The following MRPL48 variants were observed in gnomAD, a reference collection of about 807,000 sequenced individuals.
MRPL48 encodes large ribosomal subunit protein mL48.
MRPL48 carries 16 observed loss-of-function variants against 32.9 expected under a neutral mutation model. The observed-to-expected ratio is 0.49, with a 90% confidence interval of 0.33 to 0.74. The LOEUF is 0.74. Among genes scored for constraint, MRPL48 ranks in the 30% least tolerant of loss-of-function variants. MRPL48 has a pLI of 0.02. For missense variants in MRPL48, 206 were observed against 245.3 expected, an observed-to-expected ratio of 0.84 and a Z score of 1.07; for synonymous variants, 94 against 89.2, an observed-to-expected ratio of 1.05 and a Z score of -0.31.
At chr11:73,815,736 C>G (rs1321364651) in intron 3 of MRPL48, among the ~76,000 whole-genome samples, 1 of 151,982 alleles carries the variant, frequency 6.6e-6, no homozygotes, top group East Asian at 1.9e-4. Flanking sequence ...CTCGGCCTCC[C>G]AAAGTGCTGG....
chr11:73,800,804 C>G (rs1026043877), intron 1 of MRPL48, among the ~76,000 whole-genome samples: 1 of 144,662 alleles, frequency 6.9e-6, no homozygotes, highest in Non-Finnish European at 1.5e-5. Flanking sequence ...ACTCTTTTTT[C>G]TTTTTCTTTT....
At position 73,859,999 on chromosome 11, in the gene MRPL48, G is replaced by C; in HGVS notation, c.464G>C (p.Arg155Pro). Reference protein sequence around the residue: ...LLDSVLTTHERVVQISGLSAT... With the variant: ...LLDSVLTTHEPVVQISGLSAT... ...GACTCAGTGCTTACCACCCATGAGC[G>C]AGTGGTTCAGGTAGGCACTCCAGGA... The change falls in exon 6 of 8, where the codon CGA becomes CCA. Residue 155 changes from arginine (R) to proline (P), a missense_variant. Physicochemically the swap from Arg to Pro is moderately radical, Grantham distance 103 (BLOSUM62 -2). Transcript: ENST00000310614. 1 of 1,613,354 alleles carries C rather than the reference G, an allele frequency of 6.2e-7. No individual in the cohort carries two copies. The highest frequency in any genetic ancestry group is 8.5e-7 in the Non-Finnish European group (1 of 1,179,660).
chr11:73,849,322 A>C (rs1590997764), intron 5 of MRPL48, among the ~76,000 whole-genome samples: 2 of 148,780 alleles, frequency 1.3e-5, no homozygotes, highest in African/African-American at 5.0e-5. Context: ...TTTTTAGCAG[A>C]CATGGGGTTT....
chr11:73,840,396 AG>A (rs1267396884), intron 4 of MRPL48, among the ~76,000 whole-genome samples: 2 of 152,180 alleles, frequency 1.3e-5, no homozygotes, highest in African/African-American at 4.8e-5. Flanking sequence ...CAGGAGGTTG[AG>A]GTGTGACGAT....
intron 1 of MRPL48, among the ~76,000 whole-genome samples, chr11:73,800,464 C>G (rs1232957762): frequency 6.6e-6 from 1 of 152,164 alleles, no homozygotes; most frequent in Non-Finnish European, 1.5e-5. Context: ...CTCACATGCT[C>G]TAGATTTTGC....
chr11:73,864,550 C>T lies in MRPL48; in HGVS notation c.*180C>T. 3.3e-6 allele frequency: 2 copies of T among 613,064 alleles called. No individual in the cohort carries two copies. Among genetic ancestry groups the T allele is most frequent in the Non-Finnish European group, 5.8e-6 (2 of 344,582 alleles). The allele number at this position is 613,064 out of a possible 1,614,324, so 38.0% of individuals were successfully genotyped here. ...TGTACTTGCCATTTCTTACCACTTA[C>T]CTATGAGGTAATGCTTGTTATCTTC... is the stretch of plus-strand genomic sequence containing the variant. On this transcript the variant is annotated 3_prime_UTR_variant, in exon 8 of 8. Coordinates refer to ENST00000310614, the MANE Select transcript of MRPL48 (RefSeq NM_016055.6).
At chr11:73,833,988 T>C (rs35852922) in intron 4 of MRPL48, among the ~76,000 whole-genome samples, 8,375 of 151,984 alleles carry the variant, frequency 0.055, 256 homozygotes, top group Middle Eastern at 0.11. Flanking sequence ...TCCTAAGTAA[T>C]TGGGATTATA....
At chr11:73,788,888 T>G (rs1947098989) in intron 1 of MRPL48, among the ~76,000 whole-genome samples, 2 of 152,238 alleles carry the variant, frequency 1.3e-5, no homozygotes, top group Admixed American at 1.3e-4. Flanking sequence ...ATTTAACAGA[T>G]TTCATTTGTG....
chr11:73,818,237 C>T (rs75656197), intron 3 of MRPL48, among the ~76,000 whole-genome samples: 9 of 152,276 alleles, frequency 5.9e-5, no homozygotes, highest in African/African-American at 1.9e-4. Context: ...GGGGACCATT[C>T]CAGCTGCTCT....
At chr11:73,821,346 C>T (rs1178658351) in intron 3 of MRPL48, among the ~76,000 whole-genome samples, 1 of 152,044 alleles carries the variant, frequency 6.6e-6, no homozygotes, top group African/African-American at 2.4e-5. Flanking sequence ...ATGATTCTGT[C>T]CTCCCACTAG....
chr11:73,850,716 G>A (rs1019346353), intron 5 of MRPL48: 19 of 198,376 alleles, frequency 9.6e-5, no homozygotes, highest in East Asian at 1.6e-4. Flanking sequence ...TCGCTCTGTC[G>A]CCCAGGCTGG....
chr11:73,788,596 C>T (rs1319106939), intron 1 of MRPL48, among the ~76,000 whole-genome samples: 1 of 151,024 alleles, frequency 6.6e-6, no homozygotes, highest in African/African-American at 2.4e-5. Flanking sequence ...GCCTCAGCCT[C>T]CTCAGTAGCT....
At chr11:73,853,174 A>G (rs1948430083) in intron 5 of MRPL48, among the ~76,000 whole-genome samples, 1 of 152,186 alleles carries the variant, frequency 6.6e-6, no homozygotes, top group Admixed American at 6.5e-5. Flanking sequence ...AAGATCTAAT[A>G]TTTGATAGCA....
chr11:73,799,040 C>G (rs974280781), intron 1 of MRPL48, among the ~76,000 whole-genome samples: 7 of 150,396 alleles, frequency 4.7e-5, no homozygotes, highest in Non-Finnish European at 1.0e-4. Flanking sequence ...GTGGTGGGCA[C>G]TGAGAGTGGA....
intron 3 of MRPL48, among the ~76,000 whole-genome samples, chr11:73,818,268 G>A: frequency 6.6e-6 from 1 of 152,278 alleles, no homozygotes; most frequent in Non-Finnish European, 1.5e-5. Flanking sequence ...GGGCTTGATT[G>A]TGGTGACCAT....
At position 73,857,137 on chromosome 11, in the gene MRPL48, C is replaced by T. The variant is rs979900910; in HGVS notation, c.372-2770C>T. Reference sequence around the variant, plus strand: ...CAGTGAGCTCCTTGAAAGCATAGACCTTTTTTTTTTTGAGACTGAGCCTTG... The same window carrying T: ...CAGTGAGCTCCTTGAAAGCATAGACTTTTTTTTTTTTGAGACTGAGCCTTG... On this transcript the variant is annotated intron_variant, in intron 5 of 7. Transcript: ENST00000310614. Among the ~76,000 whole-genome samples, 10 of 147,400 alleles carry T rather than the reference C, an allele frequency of 6.8e-5. No homozygotes were observed. In the Admixed American group the frequency reaches 6.8e-4, roughly 10 times the overall value.
rs12262 is a variant in MRPL48 at position 73,864,459 on chromosome 11, A to G, written c.*89A>G. 0.057 allele frequency: 74,797 copies of G among 1,321,940 alleles called. 2,340 individuals carry two copies. The highest frequency in any genetic ancestry group is 0.084 in the Middle Eastern group (466 of 5,520). 81.9% of individuals were successfully genotyped at this position (1,321,940 alleles called of 1,614,324 possible). ...GTAGTTAGAGTTCATCAGGAGACCC[A>G]ACCCTTAGATTTCATAAGTACCCAT... On this transcript the variant is annotated 3_prime_UTR_variant, in exon 8 of 8. Transcript: ENST00000310614.
intron 6 of MRPL48, chr11:73,860,441 T>A (rs1231575020): frequency 6.5e-6 from 1 of 152,708 alleles, no homozygotes; most frequent in African/African-American, 2.4e-5. Context: ...TGTCCTCTGA[T>A]ATCCATTCAT....
chr11:73,801,132 C>T (rs1007867982), intron 1 of MRPL48, among the ~76,000 whole-genome samples: 5 of 152,128 alleles, frequency 3.3e-5, no homozygotes, highest in Non-Finnish European at 7.4e-5. Flanking sequence ...ATTCTTAAGC[C>T]TGGCTTTTAG....
Sources: gnomAD v4.1 joint callset for allele counts (sites outside exome capture counted in the v4.1 genomes callset) on GRCh38, gnomAD v4.1.1 for gene constraint, MANE v1.5 for transcripts, NCBI Gene and HGNC (gene_info 2026-07-23, HGNC 2026-07-21) for gene names.